LDB2: variants seen among roughly 807,000 people sequenced by gnomAD.
LDB2 encodes LIM domain binding 2.
In LDB2, 12 loss-of-function variants were observed where a neutral mutation model predicts 44.3. That is an observed-to-expected ratio of 0.27 (90% CI 0.17 to 0.44). The LOEUF (loss-of-function observed/expected upper bound fraction) is 0.44. Among genes scored for constraint, LDB2 ranks in the 20% least tolerant of loss-of-function variants. The pLI, the probability that LDB2 is intolerant of heterozygous loss-of-function variation, is 1.00. For missense variants in LDB2, 344 were observed against 473.5 expected, an observed-to-expected ratio of 0.73 and a Z score of 2.54; for synonymous variants, 164 against 174.8, an observed-to-expected ratio of 0.94 and a Z score of 0.49.
intron 2 of LDB2, among the ~76,000 whole-genome samples, chr4:16,655,186 G>A (rs761420833): frequency 1.1e-4 from 16 of 152,096 alleles, no homozygotes; most frequent in Admixed American, 7.2e-4. Flanking sequence ...TGGAAGCACC[G>A]CATTAATATT....
chr4:16,805,653 C>G (rs1346805447), intron 1 of LDB2, among the ~76,000 whole-genome samples: 1 of 152,124 alleles, frequency 6.6e-6, no homozygotes, highest in Non-Finnish European at 1.5e-5. Flanking sequence ...CCAGCTGATT[C>G]AAGAGGCAAT....
chr4:16,780,513 G>A (rs1057357027), intron 1 of LDB2, among the ~76,000 whole-genome samples: 3 of 152,212 alleles, frequency 2.0e-5, no homozygotes, highest in East Asian at 1.9e-4. Flanking sequence ...GTGATCCACC[G>A]CACCTGGCCA....
chr4:16,558,988 A>G (rs1284733443), intron 5 of LDB2, among the ~76,000 whole-genome samples: 1 of 152,224 alleles, frequency 6.6e-6, no homozygotes, highest in Non-Finnish European at 1.5e-5. Flanking sequence ...AAGGAGAACT[A>G]AAATACTTTA....
intron 5 of LDB2, among the ~76,000 whole-genome samples, chr4:16,513,935 G>T (rs1722729192): frequency 6.6e-6 from 1 of 152,122 alleles, no homozygotes; most frequent in Admixed American, 6.5e-5. Flanking sequence ...CTGTATAAGA[G>T]CTGACCATAA....
intron 2 of LDB2, among the ~76,000 whole-genome samples, chr4:16,739,667 TATAC>T (rs1465839597): frequency 1.2e-5 from 1 of 80,468 alleles, no homozygotes; most frequent in African/African-American, 5.2e-5. Context: ...TATATGTATA[TATAC>T]ATATGTGTGT....
At chr4:16,715,030 T>C (rs973180975) in intron 2 of LDB2, among the ~76,000 whole-genome samples, 3 of 152,188 alleles carry the variant, frequency 2.0e-5, no homozygotes, top group African/African-American at 4.8e-5. Context: ...TATTAACAAA[T>C]AGCTAATATT....
intron 1 of LDB2, among the ~76,000 whole-genome samples, chr4:16,805,456 T>C (rs1444387045): frequency 6.6e-6 from 1 of 152,182 alleles, no homozygotes; most frequent in Non-Finnish European, 1.5e-5. Context: ...ACTTTAGAAA[T>C]GTTGTCAAAT....
intron 2 of LDB2, among the ~76,000 whole-genome samples, chr4:16,687,421 A>T (rs1391106184): frequency 6.6e-6 from 1 of 152,194 alleles, no homozygotes; most frequent in Non-Finnish European, 1.5e-5. Context: ...GCAGGCTGTC[A>T]CTAGACACCA....
rs1170974604 is a variant in LDB2, at chr4:16,684,872, T to C, written c.235+74286A>G. Among the ~76,000 whole-genome samples the C allele has an allele frequency of 4.6e-5, 7 of 152,240 alleles. No individual in the cohort carries two copies. In the East Asian group the frequency reaches 7.7e-4, roughly 17 times the overall value. ...TAAATGTTTTAGGTTTTATGAGCCATATTGTCTCTTTTACAGATACTCTAC... is the reference window on the plus strand; with the variant it reads ...TAAATGTTTTAGGTTTTATGAGCCACATTGTCTCTTTTACAGATACTCTAC... On this transcript the variant is annotated intron_variant, in intron 2 of 7. Transcript: ENST00000304523.
intron 1 of LDB2, among the ~76,000 whole-genome samples, chr4:16,796,239 C>T (rs1172659991): frequency 6.6e-6 from 1 of 152,126 alleles, no homozygotes; most frequent in Non-Finnish European, 1.5e-5. Flanking sequence ...GAGCCAAGAT[C>T]GTGCCCCTGC....
chr4:16,725,915 T>C (rs1759346551), intron 2 of LDB2, among the ~76,000 whole-genome samples: 1 of 148,382 alleles, frequency 6.7e-6, no homozygotes, highest in South Asian at 2.1e-4. Context: ...TGTATATATA[T>C]GTATACATAA....
chr4:16,627,382 C>T (rs1301207469), intron 2 of LDB2, among the ~76,000 whole-genome samples: 2 of 152,100 alleles, frequency 1.3e-5, no homozygotes, highest in South Asian at 2.1e-4. Flanking sequence ...CATTAGACTC[C>T]CCCAGTCCAC....
chr4:16,656,601 C>T (rs370757412), intron 2 of LDB2, among the ~76,000 whole-genome samples: 73 of 152,202 alleles, frequency 4.8e-4, no homozygotes, highest in Middle Eastern at 3.2e-3. Context: ...TTTATGGTGT[C>T]GGCAAGATGA....
chr4:16,506,546 AC>A (rs1719514744), intron 7 of LDB2: 1 of 152,762 alleles, frequency 6.5e-6, no homozygotes, highest in Admixed American at 6.5e-5. Context: ...TTCTGACTAG[AC>A]CATATGTGTC....
intron 2 of LDB2, among the ~76,000 whole-genome samples, chr4:16,720,846 T>C (rs1579059552): frequency 1.3e-5 from 2 of 152,146 alleles, no homozygotes; most frequent in Non-Finnish European, 2.9e-5. Context: ...ATTTCATGGA[T>C]AGAAGCTATA....
At chr4:16,855,384 A>G (rs1789154451) in intron 1 of LDB2, among the ~76,000 whole-genome samples, 1 of 152,152 alleles carries the variant, frequency 6.6e-6, no homozygotes, top group Non-Finnish European at 1.5e-5. Context: ...TCTACCATCG[A>G]GTACGTGAGT....
intron 2 of LDB2, among the ~76,000 whole-genome samples, chr4:16,739,276 T>A (rs1762471360): frequency 6.6e-6 from 1 of 151,732 alleles, no homozygotes; most frequent in African/African-American, 2.4e-5. Context: ...GAAGGTTAAG[T>A]CATTACGATT....
chr4:16,571,835 C>T (rs1439539404), intron 5 of LDB2, among the ~76,000 whole-genome samples: 1 of 152,174 alleles, frequency 6.6e-6, no homozygotes, highest in Non-Finnish European at 1.5e-5. Flanking sequence ...TTATGGTAAA[C>T]ACTTATAGCT....
intron 2 of LDB2, among the ~76,000 whole-genome samples, chr4:16,695,675 A>G (rs1218825933): frequency 6.6e-6 from 1 of 152,224 alleles, no homozygotes; most frequent in East Asian, 1.9e-4. Flanking sequence ...TGCAAAGACT[A>G]TTCAAATCTG....
Sources: allele counts gnomAD v4.1 joint callset (sites outside exome capture counted in the v4.1 genomes callset), GRCh38; gene constraint gnomAD v4.1.1; transcripts MANE v1.5; gene names NCBI Gene and HGNC (gene_info 2026-07-23, HGNC 2026-07-21).